AGBL2: variants seen among roughly 807,000 people sequenced by gnomAD.
The protein encoded by AGBL2 is cytosolic carboxypeptidase 2.
AGBL2 carries 87 observed loss-of-function variants against 103.0 expected under a neutral mutation model. The observed-to-expected ratio is 0.84, with a 90% CI of 0.71 to 1.01. AGBL2 has a LOEUF of 1.01. Among genes scored for constraint, AGBL2 ranks in the 50% least tolerant of loss-of-function variants. AGBL2 has a pLI of 0.00. For missense variants in AGBL2, 904 were observed against 1,023.5 expected (o/e 0.88, Z 1.59); for synonymous variants, 335 against 356.7 (o/e 0.94, Z 0.69).
At chr11:47,687,191 A>G (rs779204313) in intron 10 of AGBL2, among the ~76,000 whole-genome samples, 43 of 151,714 alleles carry the variant, frequency 2.8e-4, no homozygotes, top group Non-Finnish European at 2.1e-4. Flanking sequence ...ATCTTCCTAC[A>G]TGCTGTCTGC....
chr11:47,681,977 G>C lies in AGBL2; in HGVS notation c.1907C>G (p.Ser636Cys), dbSNP rs1325049887. Residue 636 changes from serine to cysteine, a missense_variant, in exon 12 of 19, where the codon TCC (serine) becomes TGC (cysteine). Ser to Cys is a moderately radical substitution (Grantham distance 112). Transcript: ENST00000525123. ...TACAAAAGAGAATGTACCCAGGGTGGACCCGCCAAAGGTAGACTCCATGGT... is the reference window on the plus strand; with the variant it reads ...TACAAAAGAGAATGTACCCAGGGTGCACCCGCCAAAGGTAGACTCCATGGT... ...SYTMESTFGG[S>C]TLGNKRDTHF... The C allele has an allele frequency of 6.2e-7, 1 of 1,613,874 alleles. No individual in the cohort carries two copies. Among genetic ancestry groups the C allele is most frequent in the Non-Finnish European group, 8.5e-7 (1 of 1,179,976 alleles).
chr11:47,710,400 G>A lies in AGBL2; in HGVS notation c.209C>T (p.Thr70Ile), dbSNP rs770558414. ...ACATAGAAGCTTCTCCTTTTGCAGG[G>A]TGTCTGGTATCAAATCATCTTTTTC... ...LGEKDDLIPDTLQKEKLLWPI... is the reference protein window; with the variant it reads ...LGEKDDLIPDILQKEKLLWPI... Residue 70 changes from threonine (T) to isoleucine (I), a missense_variant, in exon 4 of 19, where the codon ACC becomes ATC. Transcript: ENST00000525123. 34 of 1,613,994 alleles carry A rather than the reference G, an allele frequency of 2.1e-5. No individual in the cohort carries two copies.
chr11:47,710,489 G>A lies in AGBL2; in HGVS notation c.120C>T (p.Asn40=), dbSNP rs1238525364. ...YFKAQRGSLP[N]SATHQHVRKN... The stretch of plus-strand genomic sequence containing the variant: ...TCCGAACATGCTGATGCGTAGCAGA[G>A]TTTGGTAAACTGCCTCTCTGAGCTA... Residue 40 remains asparagine, a synonymous_variant, in exon 4 of 19, where the codon AAC becomes AAT. Transcript: ENST00000525123. The A allele has an allele frequency of 1.2e-6, 2 of 1,614,062 alleles. No homozygotes were observed. The highest frequency in any genetic ancestry group is 2.2e-5 in the East Asian group (1 of 44,900).
At position 47,704,134 on chromosome 11, in the gene AGBL2, G is replaced by A. The variant is rs142594722; in HGVS notation, c.586+409C>T. 3.3e-3 allele frequency among the ~76,000 whole-genome samples: 504 copies of A among 151,734 alleles called. 4 individuals are homozygous for A. The highest frequency in any genetic ancestry group is 3.9e-3 in the Non-Finnish European group (262 of 67,924). The stretch of plus-strand genomic sequence containing the variant: ...AAATAAATAAATAAATGTTGACTCT[G>A]TCCTGCCTTATACTTAAGCACGTAG... On this transcript the variant is annotated intron_variant, in intron 7 of 18. Coordinates refer to ENST00000525123, the MANE Select transcript of AGBL2 (RefSeq NM_024783.4).
At chr11:47,668,165 C>G (rs1259720764) in intron 15 of AGBL2, among the ~76,000 whole-genome samples, 2 of 138,108 alleles carry the variant, frequency 1.4e-5, no homozygotes, top group African/African-American at 2.7e-5. Flanking sequence ...GCTGAGATCA[C>G]GCCCCTGAAC....
Position 47,694,874 on chromosome 11 carries a change from C to T in AGBL2, c.695-2618G>A, listed in dbSNP as rs189159554. Among the ~76,000 whole-genome samples the T allele has an allele frequency of 7.2e-5, 11 of 152,256 alleles. No individual in the cohort carries two copies. In the South Asian group the frequency reaches 1.5e-3, roughly 20 times the overall value. The stretch of plus-strand genomic sequence containing the variant: ...AACAAAAATGGCACAACAGGCCAGG[C>T]GTGGTGGCTCATGCCTGTAATCCCA... On this transcript the variant is annotated intron_variant, in intron 8 of 18. Transcript: ENST00000525123.
At chr11:47,660,488 T>A in intron 18 of AGBL2, 142 bp from the exon 19 acceptor site, 1 of 751,730 alleles carries the variant, frequency 1.3e-6, no homozygotes, top group Non-Finnish European at 2.1e-6. Flanking sequence ...GTTGACAATG[T>A]TACAGAACAG....
Position 47,690,506 on chromosome 11 carries a change from T to C in AGBL2, c.1201A>G (p.Thr401Ala). 1 of 1,614,052 alleles carries C rather than the reference T, an allele frequency of 6.2e-7. No homozygotes were observed. Among genetic ancestry groups the C allele is most frequent in the Non-Finnish European group, 8.5e-7 (1 of 1,180,004 alleles). The change falls in exon 10 of 19, where the codon ACT becomes GCT. Residue 401 changes from threonine (T) to alanine (A), a missense_variant. By Grantham distance (58) the Thr-to-Ala change is moderately conservative (BLOSUM62 0). Transcript: ENST00000525123. ...FFAHFYPYTY[T>A]DLQCYLLSVA... The stretch of plus-strand genomic sequence containing the variant: ...GACAGGAGGTAGCATTGCAAATCAG[T>C]GTATGTATATGGGTAGAAGTGTGCA...
At chr11:47,701,728 T>G (rs967167912) in intron 7 of AGBL2, among the ~76,000 whole-genome samples, 5 of 151,784 alleles carry the variant, frequency 3.3e-5, no homozygotes, top group African/African-American at 1.2e-4. Context: ...ATCCCAGCAC[T>G]TTGGGAGGCT....
At chr11:47,688,393 T>C (rs573453205) in intron 10 of AGBL2, among the ~76,000 whole-genome samples, 5 of 151,856 alleles carry the variant, frequency 3.3e-5, no homozygotes, top group African/African-American at 1.2e-4. Flanking sequence ...AGGCAGAGAG[T>C]GGGCAGTTGC....
At chr11:47,710,782 A>G (rs1307423945) in intron 3 of AGBL2, 2 of 523,546 alleles carry the variant, frequency 3.8e-6, no homozygotes, top group South Asian at 1.5e-5. Flanking sequence ...GCAGGCAGAA[A>G]GATTCTGAAG....
At chr11:47,680,190 G>C (rs1256546998) in intron 12 of AGBL2, 117 bp from the exon 13 acceptor site, 1 of 613,834 alleles carries the variant, frequency 1.6e-6, no homozygotes, top group African/African-American at 1.9e-5. Flanking sequence ...GGTGGTTTAC[G>C]CCTGTAATCC....
intron 16 of AGBL2, among the ~76,000 whole-genome samples, chr11:47,667,316 C>T (rs1425756730): frequency 6.6e-6 from 1 of 152,170 alleles, no homozygotes; most frequent in Non-Finnish European, 1.5e-5. Context: ...TGTATTTTCT[C>T]TGGAAATTCA....
rs192545765 is a variant in AGBL2 at position 47,714,077 on chromosome 11, T to C, written c.97+207A>G. On this transcript the variant is annotated intron_variant, in intron 3 of 18. Transcript: ENST00000525123. ...GAATAGAGAGCCCAGAAACAGACCT[T>C]TGTATTAAGTGATGCTGTCTACTTG... 170 of 550,786 alleles carry C rather than the reference T, an allele frequency of 3.1e-4. 1 individual carries two copies. Among genetic ancestry groups the C allele is most frequent in the African/African-American group, 2.5e-3 (132 of 53,068 alleles). 34.1% of individuals were successfully genotyped at this position (550,786 alleles called of 1,614,324 possible).
At chr11:47,683,570 A>T (rs974412320) in intron 11 of AGBL2, among the ~76,000 whole-genome samples, 2 of 151,096 alleles carry the variant, frequency 1.3e-5, no homozygotes, top group Admixed American at 1.3e-4. Context: ...GGAGATTGAG[A>T]CCATCCTGGT....
chr11:47,697,470 C>T (rs1312218310), intron 8 of AGBL2, among the ~76,000 whole-genome samples: 1 of 151,392 alleles, frequency 6.6e-6, no homozygotes, highest in Non-Finnish European at 1.5e-5. Context: ...GATCTCCTGA[C>T]CTTATGATCC....
chr11:47,693,305 G>A (rs1480994727), intron 8 of AGBL2, among the ~76,000 whole-genome samples: 1 of 152,094 alleles, frequency 6.6e-6, no homozygotes, highest in Non-Finnish European at 1.5e-5. Flanking sequence ...TGGACTACAG[G>A]CGTGCACCAC....
chr11:47,706,012 A>T lies in AGBL2; in HGVS notation c.233-95T>A. 1.9e-5 allele frequency: 18 copies of T among 944,614 alleles called. 3 individuals are homozygous for T. In the South Asian group the frequency reaches 2.4e-4, roughly 12 times the overall value. The allele number at this position is 944,614 out of a possible 1,614,324, so 58.5% of individuals were successfully genotyped here. A position where few individuals can be genotyped will look rare whatever the true frequency, so the allele number is the denominator to read the frequency against. On this transcript the variant is annotated intron_variant, in intron 4 of 18. Transcript: ENST00000525123. ...CCATCCCTTCTCATTTCCTATGCTC[A>T]CTCTGGACCCCTGCATTTCTATCTA... is the stretch of plus-strand genomic sequence containing the variant.
chr11:47,667,163 T>C (rs1212984546), intron 16 of AGBL2, 100 bp from the exon 17 acceptor site: 23 of 799,460 alleles, frequency 2.9e-5, no homozygotes, highest in Non-Finnish European at 4.5e-5. Flanking sequence ...CACGTTTGTC[T>C]TTAGAAAGCA....
Sources: allele counts gnomAD v4.1 joint callset (sites outside exome capture counted in the v4.1 genomes callset), GRCh38; gene constraint gnomAD v4.1.1; transcripts MANE v1.5; gene names NCBI Gene and HGNC (gene_info 2026-07-23, HGNC 2026-07-21).